The following PRPF19 variants were observed in gnomAD, a reference collection of about 807,000 sequenced individuals.
PRPF19 encodes pre-mRNA processing factor 19.
PRPF19 carries 2 observed loss-of-function variants against 64.2 expected under a neutral mutation model. The observed-to-expected ratio is 0.03, with a 90% confidence interval of 0.01 to 0.10. The LOEUF is 0.10. Ranked by LOEUF, PRPF19 falls within the 10% of genes least tolerant of loss-of-function variation. PRPF19 has a pLI of 1.00. For missense variants in PRPF19, 314 were observed against 650.0 expected, an observed-to-expected ratio of 0.48 and a Z score of 5.62; for synonymous variants, 226 against 251.6, an observed-to-expected ratio of 0.90 and a Z score of 0.96.
intron 15 of PRPF19, among the ~76,000 whole-genome samples, chr11:60,892,522 T>C (rs1024975878): frequency 2.6e-5 from 4 of 152,210 alleles, no homozygotes; most frequent in African/African-American, 9.7e-5. Flanking sequence ...AGGATGTGGC[T>C]CCATCGTATA....
At chr11:60,905,588 C>T (rs1856036731) in intron 1 of PRPF19, 1 of 152,206 alleles carries the variant, frequency 6.6e-6, no homozygotes, top group African/African-American at 2.4e-5. Context: ...ATGAAAAAAG[C>T]ATGGATTCAG....
In PRPF19 at chr11:60,906,458, G is replaced by C; in HGVS notation, c.-76C>G. 6.8e-7 allele frequency: 1 copy of C among 1,468,328 alleles called. No individual in the cohort carries two copies. The highest frequency in any genetic ancestry group is 9.2e-7 in the Non-Finnish European group (1 of 1,083,424). 91.0% of individuals were successfully genotyped at this position (1,468,328 alleles called of 1,614,324 possible). On this transcript the variant is annotated 5_prime_UTR_variant, in exon 1 of 16. Coordinates refer to ENST00000227524, the MANE Select transcript of PRPF19 (RefSeq NM_014502.5). ...TTCTGAGCCTCCGCGAGCCACTTCC[G>C]GTCCCCCGCTGCTGCCGGGACTGCT...
In PRPF19 at chr11:60,897,831, A is replaced by G; in HGVS notation, c.1417+15T>C. ...GCACCTAGAGAGATCCCAGGAGCCC[A>G]GGACCAGCCTCTACCTGTAAAGTGA... is the stretch of plus-strand genomic sequence containing the variant. On this transcript the variant is annotated intron_variant, in intron 15 of 15. Coordinates refer to ENST00000227524, the MANE Select transcript of PRPF19 (RefSeq NM_014502.5). The G allele has an allele frequency of 6.2e-7, 1 of 1,610,648 alleles. No individual in the cohort carries two copies. Among genetic ancestry groups the G allele is most frequent in the Non-Finnish European group, 8.5e-7 (1 of 1,177,010 alleles).
At position 60,906,570 on chromosome 11, in the gene PRPF19, G is replaced by C. The variant is rs893037601; in HGVS notation, c.-188C>G. The C allele has an allele frequency of 3.6e-6, 2 of 558,218 alleles. No homozygotes were observed. Among genetic ancestry groups the C allele is most frequent in the African/African-American group, 4.0e-5 (2 of 50,372 alleles). 34.6% of individuals were successfully genotyped at this position (558,218 alleles called of 1,614,324 possible). A position where few individuals can be genotyped will look rare whatever the true frequency, so the allele number is the denominator to read the frequency against. ...GGACAGCCGCGCGCCACAGCCTTCA[G>C]CACCTAACGGAAATTGCCCTTTCCC... On this transcript the variant is annotated 5_prime_UTR_variant, in exon 1 of 16. Transcript: ENST00000227524.
intron 9 of PRPF19, 30 bp from the exon 10 acceptor site, chr11:60,900,721 G>A: frequency 6.4e-7 from 1 of 1,560,234 alleles, no homozygotes; most frequent in South Asian, 1.2e-5. Flanking sequence ...ACCAAACAAT[G>A]AGTCAGGCCC....
intron 1 of PRPF19, chr11:60,905,380 T>C (rs1316871825): frequency 6.6e-6 from 1 of 152,188 alleles, no homozygotes; most frequent in East Asian, 1.9e-4. Context: ...GAGCTGTAAT[T>C]TCTTCAAAGT....
rs781222941 is a variant in PRPF19, at chr11:60,902,539, A to T, written c.462+44T>A. On this transcript the variant is annotated intron_variant, in intron 5 of 15. Coordinates refer to ENST00000227524, the MANE Select transcript of PRPF19 (RefSeq NM_014502.5). This position sits in a 1 kb window ranked among gnomAD's most constrained non-coding sequence, Gnocchi z 5.0. The stretch of plus-strand genomic sequence containing the variant: ...CTGCATAAGGACAGTTCTGTGGGCC[A>T]CTGTACACAAATGGGCTGCTGGTAA... 6.2e-7 allele frequency: 1 copy of T among 1,606,744 alleles called. No individual in the cohort carries two copies. The highest frequency in any genetic ancestry group is 8.5e-7 in the Non-Finnish European group (1 of 1,173,254).
rs1856010793 is a variant in PRPF19, at chr11:60,903,706, A to G, written c.169+6T>C. 1.1e-5 allele frequency: 18 copies of G among 1,588,712 alleles called. No individual in the cohort carries two copies. The highest frequency in any genetic ancestry group is 1.9e-5 in the Admixed American group (1 of 52,408). ...ATGGCCCTAGACTAAGGCAGCCAAT[A>G]GGCACCTTTGATGTCGATGAGCTGC... is the stretch of plus-strand genomic sequence containing the variant. On this transcript the variant is annotated splice_donor_region_variant and intron_variant, in intron 2 of 15. Coordinates refer to ENST00000227524, the MANE Select transcript of PRPF19 (RefSeq NM_014502.5).
chr11:60,896,307 G>A (rs1260527921), intron 15 of PRPF19, among the ~76,000 whole-genome samples: 1 of 152,240 alleles, frequency 6.6e-6, no homozygotes, highest in Non-Finnish European at 1.5e-5. Context: ...CATAGGAGAT[G>A]ACAGGTTTAT....
intron 15 of PRPF19, among the ~76,000 whole-genome samples, chr11:60,892,134 T>C (rs1039624185): frequency 6.6e-6 from 1 of 152,210 alleles, no homozygotes; most frequent in African/African-American, 2.4e-5. Context: ...ATTCCCATTT[T>C]CTAGATGAAG....
chr11:60,903,785 C>G lies in PRPF19; in HGVS notation c.96G>C (p.Lys32Asn). The G allele has an allele frequency of 6.2e-7, 1 of 1,605,740 alleles. No homozygotes were observed. The highest frequency in any genetic ancestry group is 8.5e-7 in the Non-Finnish European group (1 of 1,178,158). Residue 32 changes from lysine to asparagine, a missense_variant, in exon 2 of 16, where the codon AAG becomes AAC. Physicochemically the swap from Lys to Asn is moderately conservative, Grantham distance 94 (BLOSUM62 0). Around this residue, in one of 7 missense-constraint regions of PRPF19, gnomAD observed 66 missense variants for 88.4 expected, o/e 0.75. Coordinates refer to ENST00000227524, the MANE Select transcript of PRPF19 (RefSeq NM_014502.5). ...GGTCGGTACCATTCTCCGCAATGTACTTCTCGATGAGCCGCCGCTCATAAA... is the reference window on the plus strand; with the variant it reads ...GGTCGGTACCATTCTCCGCAATGTAGTTCTCGATGAGCCGCCGCTCATAAA... The part of the protein sequence containing the change: ...NHVYERRLIE[K>N]YIAENGTDPI...
intron 8 of PRPF19, 143 bp from the exon 9 acceptor site, chr11:60,901,072 C>A: frequency 9.5e-7 from 1 of 1,057,026 alleles, no homozygotes; most frequent in Non-Finnish European, 1.4e-6. Context: ...TACCTCTTGG[C>A]TATCTGCCTG....
At chr11:60,897,754 T>C in intron 15 of PRPF19, 92 bp downstream of exon 15, 1 of 1,092,328 alleles carries the variant, frequency 9.2e-7, no homozygotes, top group Non-Finnish European at 1.4e-6. Flanking sequence ...TTAGGTAAAT[T>C]CATGCAAGCC....
At chr11:60,906,224 G>C in intron 1 of PRPF19, 140 bp downstream of exon 1, 1 of 1,339,924 alleles carries the variant, frequency 7.5e-7, no homozygotes, top group Non-Finnish European at 9.7e-7. Flanking sequence ...GGGGGCTCCG[G>C]TGCTGACAGG....
In PRPF19 at chr11:60,906,352, G is replaced by A; in HGVS notation, c.19+12C>T. ...CTCCTGAGACCCGCGCTTGGCCGCA[G>A]CCAACACTCACTGGAGCAGATTAGG... On this transcript the variant is annotated intron_variant, in intron 1 of 15. Transcript: ENST00000227524. The A allele has an allele frequency of 6.3e-7, 1 of 1,599,834 alleles. No homozygotes were observed.
intron 1 of PRPF19, 146 bp downstream of exon 1, chr11:60,906,218 G>A (rs1280795923): frequency 4.0e-5 from 51 of 1,284,978 alleles, no homozygotes; most frequent in Non-Finnish European, 5.1e-5. Flanking sequence ...GACGGGGGGG[G>A]CTCCGGTGCT....
At chr11:60,892,259 T>C (rs528220347) in intron 15 of PRPF19, among the ~76,000 whole-genome samples, 11 of 152,342 alleles carry the variant, frequency 7.2e-5, no homozygotes, top group African/African-American at 2.4e-4. Context: ...GCACTTATAA[T>C]TGCAATTAAA....
At position 60,898,957 on chromosome 11, in the gene PRPF19, A is replaced by C; in HGVS notation, c.985-26T>G. The C allele has an allele frequency of 6.4e-7, 1 of 1,567,856 alleles. No individual in the cohort carries two copies. The highest frequency in any genetic ancestry group is 8.7e-7 in the Non-Finnish European group (1 of 1,153,070). ...CTGGGGAAAAAAAAAGAGACAATGGAGTCAGTGAGAAAGTGGGTCCCAGGT... is the reference window on the plus strand; with the variant it reads ...CTGGGGAAAAAAAAAGAGACAATGGCGTCAGTGAGAAAGTGGGTCCCAGGT... On this transcript the variant is annotated intron_variant, in intron 11 of 15. Coordinates refer to ENST00000227524, the MANE Select transcript of PRPF19 (RefSeq NM_014502.5). This position sits in a 1 kb window ranked among gnomAD's most constrained non-coding sequence, Gnocchi z 4.6.
In PRPF19 at chr11:60,903,788, C is replaced by T. The variant is rs1565112197; in HGVS notation, c.93G>A (p.Glu31=). The part of the protein sequence containing the change: ...SNHVYERRLI[E]KYIAENGTDP... ...CGGTACCATTCTCCGCAATGTACTT[C>T]TCGATGAGCCGCCGCTCATAAACAT... is the stretch of plus-strand genomic sequence containing the variant. The change falls in exon 2 of 16, where the codon GAG becomes GAA. Residue 31 remains glutamate (E), a synonymous_variant. Coordinates refer to ENST00000227524, the MANE Select transcript of PRPF19 (RefSeq NM_014502.5). 1 of 1,606,170 alleles carries T rather than the reference C, an allele frequency of 6.2e-7. No homozygotes were observed. The highest frequency in any genetic ancestry group is 8.5e-7 in the Non-Finnish European group (1 of 1,178,208).
Sources: gnomAD v4.1 joint callset for allele counts (sites outside exome capture counted in the v4.1 genomes callset) on GRCh38, gnomAD v4.1.1 for gene constraint, gnomAD v4.1.1 regional missense constraint, Gnocchi (gnomAD v3.1) non-coding constraint, MANE v1.5 for transcripts, NCBI Gene and HGNC (gene_info 2026-07-23, HGNC 2026-07-21) for gene names.